ZNF729: variants seen among roughly 807,000 people sequenced by gnomAD.
ZNF729 encodes zinc finger protein 729.
Under a neutral mutation model 12.2 loss-of-function variants are expected in ZNF729, and 15 were observed. The observed-to-expected ratio is 1.23, with a 90% CI of 0.82 to 1.89. The LOEUF is 1.89. ZNF729 is among the 40% of genes most tolerant of loss of function. The probability of loss-of-function intolerance (pLI) is 0.00; values close to 1 mark genes in which losing one functional copy is unlikely to be tolerated. For missense variants in ZNF729, 1,540 were observed against 1,456.7 expected (o/e 1.06, Z -0.93); for synonymous variants, 492 against 476.3 (o/e 1.03, Z -0.43).
At chr19:22,297,268 TAACACC>T (rs1968240217) in intron 1 of ZNF729, among the ~76,000 whole-genome samples, 1 of 149,226 alleles carries the variant, frequency 6.7e-6, no homozygotes, top group Non-Finnish European at 1.5e-5. Context: ...ACATTTTTTA[TAACACC>T]TTTTTCTCTT....
At chr19:22,309,048 TA>T in intron 3 of ZNF729, among the ~76,000 whole-genome samples, 1 of 152,384 alleles carries the variant, frequency 6.6e-6, no homozygotes, top group Middle Eastern at 3.4e-3. Flanking sequence ...GTCTTAGATT[TA>T]AGTCCTTAAT....
rs1239109789 is a variant in ZNF729, at chr19:22,300,777, A to C, written c.31-2981A>C. On this transcript the variant is annotated intron_variant, in intron 1 of 3. Transcript: ENST00000601693. Reference sequence around the variant, plus strand: ...TGGGGCCCAGAAACCCAATCAGAGTAACATATGTGCATTGAGTAGACATGT... The same window carrying C: ...TGGGGCCCAGAAACCCAATCAGAGTCACATATGTGCATTGAGTAGACATGT... 2.6e-5 allele frequency among the ~76,000 whole-genome samples: 4 copies of C among 152,196 alleles called. No homozygotes were observed. The East Asian group carries it at 7.7e-4, about 29-fold the overall frequency.
At chr19:22,305,795 C>A (rs1215625374) in intron 3 of ZNF729, among the ~76,000 whole-genome samples, 1 of 152,128 alleles carries the variant, frequency 6.6e-6, no homozygotes, top group East Asian at 1.9e-4. Flanking sequence ...CTTTCTTTTT[C>A]TTTTAATTAA....
At chr19:22,298,837 C>T (rs1281112684) in intron 1 of ZNF729, 5 of 152,198 alleles carry the variant, frequency 3.3e-5, no homozygotes, top group East Asian at 3.9e-4. Context: ...TTTCATTTCA[C>T]TATGTTGGAA....
At position 22,313,878 on chromosome 19, in the gene ZNF729, T is replaced by C. The variant is rs772649799; in HGVS notation, c.461T>C (p.Phe154Ser). 5.2e-6 allele frequency: 8 copies of C among 1,547,792 alleles called. No individual in the cohort carries two copies. The highest frequency in any genetic ancestry group is 2.3e-5 in the East Asian group (1 of 43,112). The change falls in exon 4 of 4, where the codon TTT becomes TCT. Residue 154 changes from phenylalanine (F) to serine (S), a missense_variant. By Grantham distance (155) the Phe-to-Ser change is radical (BLOSUM62 -2). Coordinates refer to ENST00000601693, the MANE Select transcript of ZNF729 (RefSeq NM_001242680.2). ...AGGACAGCTACCCAGAGAAAAATATTTCAGTGTAACAAACATATGAAAGTC... is the reference window on the plus strand; with the variant it reads ...AGGACAGCTACCCAGAGAAAAATATCTCAGTGTAACAAACATATGAAAGTC... Reference protein sequence around the residue: ...QCRTATQRKIFQCNKHMKVFH... With the variant: ...QCRTATQRKISQCNKHMKVFH...
At chr19:22,308,902 T>G (rs1415049825) in intron 3 of ZNF729, among the ~76,000 whole-genome samples, 1 of 152,140 alleles carries the variant, frequency 6.6e-6, no homozygotes, top group East Asian at 1.9e-4. Context: ...TTCCACAAGA[T>G]ACAGAGAGAA....
At chr19:22,313,402 G>A (rs1968475167) in intron 3 of ZNF729, among the ~76,000 whole-genome samples, 1 of 152,232 alleles carries the variant, frequency 6.6e-6, no homozygotes, top group Non-Finnish European at 1.5e-5. Context: ...AGGAAGAGCT[G>A]CATTGGGAAA....
chr19:22,305,654 A>G (rs971066343), intron 3 of ZNF729, among the ~76,000 whole-genome samples: 3 of 152,126 alleles, frequency 2.0e-5, no homozygotes, highest in African/African-American at 7.2e-5. Flanking sequence ...GTCTCACCCA[A>G]TTGTGGCTAC....
chr19:22,293,525 TCTTG>T (rs1968184381), intron 1 of ZNF729, among the ~76,000 whole-genome samples: 1 of 75,478 alleles, frequency 1.3e-5, no homozygotes, highest in Admixed American at 1.8e-4. Flanking sequence ...ACAGTTTCGC[TCTTG>T]TTTCCCAGGC....
Position 22,315,376 on chromosome 19 carries a change from G to C in ZNF729, c.1959G>C (p.Glu653Asp). 1 of 1,613,568 alleles carries C rather than the reference G, an allele frequency of 6.2e-7. No individual in the cohort carries two copies. The highest frequency in any genetic ancestry group is 1.3e-5 in the African/African-American group (1 of 75,034). ...GACATAAAGCAATTCATACTGGAGA[G>C]AAACCTTACAAATGTGAAGAATGTG... ...LTRHKAIHTGEKPYKCEECGK... is the reference protein window; with the variant it reads ...LTRHKAIHTGDKPYKCEECGK... The change falls in exon 4 of 4, where the codon GAG becomes GAC. Residue 653 changes from glutamate to aspartate, a missense_variant. By Grantham distance (45) the Glu-to-Asp change is conservative. Coordinates refer to ENST00000601693, the MANE Select transcript of ZNF729 (RefSeq NM_001242680.2).
Position 22,303,877 on chromosome 19 carries a change from C to T in ZNF729, c.150C>T (p.Val50=), listed in dbSNP as rs750158669. Residue 50 remains valine (V), a synonymous_variant, in exon 2 of 4, where the codon GTC becomes GTT. Coordinates refer to ENST00000601693, the MANE Select transcript of ZNF729 (RefSeq NM_001242680.2). Reference sequence around the variant, plus strand: ...TGTTAGAGAACTACAGAAACCTGGTCTTCCTGGGTGAGGATAATTTTAATT... The same window carrying T: ...TGTTAGAGAACTACAGAAACCTGGTTTTCCTGGGTGAGGATAATTTTAATT... The part of the protein sequence containing the change: ...DVMLENYRNL[V]FLGMAVFKPD... The T allele has an allele frequency of 6.4e-7, 1 of 1,569,152 alleles. No homozygotes were observed. Among genetic ancestry groups the T allele is most frequent in the African/African-American group, 1.4e-5 (1 of 73,672 alleles).
chr19:22,293,675 G>C lies in ZNF729; in HGVS notation c.30+7120G>C, dbSNP rs1330882117. Among the ~76,000 whole-genome samples, 5 of 151,190 alleles carry C rather than the reference G, an allele frequency of 3.3e-5. No individual in the cohort carries two copies. In the East Asian group the frequency reaches 9.8e-4, roughly 29 times the overall value. ...ACGTGGCTAATTTTTTGTATTTTTA[G>C]TAAAGACAGGGTTTCATCATGTTGG... On this transcript the variant is annotated intron_variant, in intron 1 of 3. Coordinates refer to ENST00000601693, the MANE Select transcript of ZNF729 (RefSeq NM_001242680.2).
Position 22,316,194 on chromosome 19 carries a change from A to G in ZNF729, c.2777A>G (p.His926Arg), listed in dbSNP as rs1339577998. The G allele has an allele frequency of 8.1e-6, 13 of 1,612,888 alleles. No individual in the cohort carries two copies. Among genetic ancestry groups the G allele is most frequent in the Non-Finnish European group, 1.1e-5 (13 of 1,179,530 alleles). The change falls in exon 4 of 4, where the codon CAT becomes CGT. Residue 926 changes from histidine (H) to arginine (R), a missense_variant. By Grantham distance (29) the His-to-Arg change is conservative. Transcript: ENST00000601693. ...AFKHFSALRK[H>R]KIIHTGKKPY... The stretch of plus-strand genomic sequence containing the variant: ...AAGCATTTCTCAGCCCTTAGAAAAC[A>G]TAAGATAATTCATACTGGAAAGAAA...
chr19:22,303,922 C>A, intron 2 of ZNF729, 38 bp downstream of exon 2: 1 of 1,506,388 alleles, frequency 6.6e-7, no homozygotes. Flanking sequence ...CTATTATATT[C>A]TATAGGTTTA....
chr19:22,303,638 G>T, intron 1 of ZNF729, 120 bp from the exon 2 acceptor site: 1 of 900,228 alleles, frequency 1.1e-6, no homozygotes, highest in Non-Finnish European at 1.6e-6. Context: ...GATATGTTCG[G>T]TCATCCCTAT....
chr19:22,312,110 T>A (rs1968457293), intron 3 of ZNF729, among the ~76,000 whole-genome samples: 2 of 152,116 alleles, frequency 1.3e-5, no homozygotes, highest in South Asian at 4.1e-4. Flanking sequence ...GGAAGAGGTA[T>A]CCTCATTTTT....
In ZNF729 at chr19:22,316,782, A is replaced by G. The variant is rs1968551487; in HGVS notation, c.3365A>G (p.His1122Arg). Residue 1122 changes from histidine to arginine, a missense_variant, in exon 4 of 4, where the codon CAT becomes CGT. His to Arg is a conservative substitution (Grantham distance 29). Coordinates refer to ENST00000601693, the MANE Select transcript of ZNF729 (RefSeq NM_001242680.2). ...AACAATTCCTCAACCCTTACGAAAC[A>G]TAAGATAATTCATACTGGGGAGAAA... ...AFNNSSTLTK[H>R]KIIHTGEKPY... The G allele has an allele frequency of 5.0e-6, 8 of 1,613,216 alleles. No individual in the cohort carries two copies. The highest frequency in any genetic ancestry group is 1.3e-5 in the African/African-American group (1 of 74,916).
chr19:22,306,280 A>C (rs1406828707), intron 3 of ZNF729, among the ~76,000 whole-genome samples: 3 of 151,916 alleles, frequency 2.0e-5, no homozygotes, highest in Non-Finnish European at 4.4e-5. Flanking sequence ...CTCTACTGAA[A>C]ATACAAAAAT....
Position 22,314,006 on chromosome 19 carries a change from C to G in ZNF729, c.589C>G (p.Arg197Gly). ...KSFFMLSCLI[R>G]HKRIHIRQNI... The stretch of plus-strand genomic sequence containing the variant: ...ATTTTTCATGCTTTCATGCTTAATT[C>G]GACATAAGAGAATTCATATTAGACA... The change falls in exon 4 of 4, where the codon CGA becomes GGA. Residue 197 changes from arginine (R) to glycine (G), a missense_variant. Physicochemically the swap from Arg to Gly is moderately radical, Grantham distance 125. Transcript: ENST00000601693. 1 of 1,540,282 alleles carries G rather than the reference C, an allele frequency of 6.5e-7. No homozygotes were observed.
Sources: allele counts gnomAD v4.1 joint callset (sites outside exome capture counted in the v4.1 genomes callset), GRCh38; gene constraint gnomAD v4.1.1; transcripts MANE v1.5; gene names NCBI Gene and HGNC (gene_info 2026-07-23, HGNC 2026-07-21).